Variants in RAP1GDS1 observed in about 807,000 individuals in gnomAD.
The protein encoded by RAP1GDS1 is Rap1 GTPase-GDP dissociation stimulator 1, also known as RAP1, GTP-GDP dissociation stimulator 1.
In RAP1GDS1, 35 loss-of-function variants were observed where a neutral mutation model predicts 71.1. That is an observed-to-expected ratio of 0.49 (90% CI 0.38 to 0.65). RAP1GDS1 has a LOEUF of 0.65. Ranked by LOEUF, RAP1GDS1 falls within the 30% of genes least tolerant of loss-of-function variation. The pLI is 0.00. For missense variants in RAP1GDS1, 663 were observed against 706.1 expected (o/e 0.94, Z 0.69); for synonymous variants, 229 against 243.1 (o/e 0.94, Z 0.54).
intron 12 of RAP1GDS1, among the ~76,000 whole-genome samples, chr4:98,428,886 C>T (rs963753724): frequency 6.6e-6 from 1 of 152,170 alleles, no homozygotes; most frequent in African/African-American, 2.4e-5. Flanking sequence ...AATATACTTG[C>T]ACACATGTTT....
intron 7 of RAP1GDS1, among the ~76,000 whole-genome samples, chr4:98,410,150 C>T (rs1284863843): frequency 2.0e-5 from 3 of 151,738 alleles, no homozygotes; most frequent in African/African-American, 4.8e-5. Flanking sequence ...TTAAAGACAC[C>T]GTTAAGAGTG....
At chr4:98,424,445 TGAA>T (rs1202867941) in intron 12 of RAP1GDS1, among the ~76,000 whole-genome samples, 2 of 152,072 alleles carry the variant, frequency 1.3e-5, no homozygotes, top group Admixed American at 6.6e-5. Flanking sequence ...CTGTGGCATT[TGAA>T]GAAGAAGAGA....
At chr4:98,295,901 ATATAT>A (rs1727666100) in intron 2 of RAP1GDS1, among the ~76,000 whole-genome samples, 4 of 152,008 alleles carry the variant, frequency 2.6e-5, no homozygotes, top group Admixed American at 2.6e-4. Context: ...AAAAAGTAAA[ATATAT>A]TAGTGAGATG....
At chr4:98,326,080 C>T (rs1288773544) in intron 2 of RAP1GDS1, among the ~76,000 whole-genome samples, 2 of 152,162 alleles carry the variant, frequency 1.3e-5, no homozygotes, top group Admixed American at 6.5e-5. Context: ...GTAACAATCA[C>T]AGTTTTCTCC....
At chr4:98,426,189 A>G (rs1342956591) in intron 12 of RAP1GDS1, among the ~76,000 whole-genome samples, 1 of 152,168 alleles carries the variant, frequency 6.6e-6, no homozygotes, top group Non-Finnish European at 1.5e-5. Context: ...AATAAATGAT[A>G]CAACCTATCA....
intron 2 of RAP1GDS1, among the ~76,000 whole-genome samples, chr4:98,336,513 G>C (rs1734740037): frequency 6.6e-6 from 1 of 152,154 alleles, no homozygotes; most frequent in South Asian, 2.1e-4. Flanking sequence ...TATAAAATGA[G>C]TCTCACAACT....
intron 12 of RAP1GDS1, among the ~76,000 whole-genome samples, chr4:98,425,697 A>G (rs1487929239): frequency 6.6e-6 from 1 of 152,198 alleles, no homozygotes; most frequent in Non-Finnish European, 1.5e-5. Context: ...ATATATATGC[A>G]CCAAACACTG....
chr4:98,338,393 TTGTC>T (rs1735000403), intron 2 of RAP1GDS1, among the ~76,000 whole-genome samples: 1 of 152,190 alleles, frequency 6.6e-6, no homozygotes, highest in Admixed American at 6.5e-5. Flanking sequence ...GATTGGGGAC[TTGTC>T]TCTTTGGTAA....
At chr4:98,304,791 T>C (rs1392139449) in intron 2 of RAP1GDS1, among the ~76,000 whole-genome samples, 1 of 152,220 alleles carries the variant, frequency 6.6e-6, no homozygotes, top group Non-Finnish European at 1.5e-5. Flanking sequence ...TGAATGATGT[T>C]GCGTAGATTT....
At chr4:98,314,104 G>A (rs557745299) in intron 2 of RAP1GDS1, among the ~76,000 whole-genome samples, 19 of 152,092 alleles carry the variant, frequency 1.2e-4, no homozygotes, top group South Asian at 1.2e-3. Flanking sequence ...TTTTTATTTG[G>A]CTCGTAATAA....
intron 1 of RAP1GDS1, among the ~76,000 whole-genome samples, chr4:98,265,112 G>A (rs917664445): frequency 6.6e-6 from 1 of 152,226 alleles, no homozygotes; most frequent in Non-Finnish European, 1.5e-5. Context: ...GGATCGATTA[G>A]ATGAGAAACT....
intron 2 of RAP1GDS1, among the ~76,000 whole-genome samples, chr4:98,296,419 CTG>C (rs1256890751): frequency 1.3e-5 from 2 of 151,956 alleles, no homozygotes; most frequent in African/African-American, 4.8e-5. Flanking sequence ...GTATTTCTCT[CTG>C]TAACGTTTAT....
intron 8 of RAP1GDS1, among the ~76,000 whole-genome samples, 158 bp downstream of exon 8, chr4:98,417,046 A>G (rs1377721952): frequency 2.0e-5 from 3 of 152,148 alleles, no homozygotes; most frequent in Admixed American, 6.5e-5. Context: ...CATTGATACA[A>G]CCAGACATAA....
At chr4:98,383,561 G>A (rs189294393) in intron 5 of RAP1GDS1, among the ~76,000 whole-genome samples, 174 of 151,186 alleles carry the variant, frequency 1.2e-3, no homozygotes, top group Middle Eastern at 6.8e-3. Flanking sequence ...TTTATTTGTC[G>A]CATGGGCTGA....
intron 4 of RAP1GDS1, among the ~76,000 whole-genome samples, chr4:98,357,502 A>T (rs1198631318): frequency 3.3e-5 from 5 of 151,944 alleles, no homozygotes; most frequent in Admixed American, 6.5e-5. Context: ...ATATAGATTG[A>T]AGTAGATGTT....
chr4:98,312,546 A>G (rs186611104), intron 2 of RAP1GDS1, among the ~76,000 whole-genome samples: 1 of 151,872 alleles, frequency 6.6e-6, no homozygotes, highest in Admixed American at 6.5e-5. Context: ...GGTTGATACT[A>G]TTTTTTTCTA....
chr4:98,367,864 T>C (rs1168804219), intron 4 of RAP1GDS1, among the ~76,000 whole-genome samples: 1 of 152,208 alleles, frequency 6.6e-6, no homozygotes, highest in East Asian at 1.9e-4. Context: ...TACAGGTTCA[T>C]AGGCAGAAGG....
intron 2 of RAP1GDS1, among the ~76,000 whole-genome samples, chr4:98,306,568 T>C (rs1451907939): frequency 2.6e-5 from 4 of 152,216 alleles, no homozygotes; most frequent in African/African-American, 9.6e-5. Flanking sequence ...TTCAAGAATA[T>C]AAGACATGTA....
intron 7 of RAP1GDS1, among the ~76,000 whole-genome samples, chr4:98,407,458 G>T (rs1211986798): frequency 6.6e-6 from 1 of 150,532 alleles, no homozygotes; most frequent in Admixed American, 6.6e-5. Flanking sequence ...TAAAGAAAAT[G>T]GGGTGTGTAT....
Sources: gnomAD v4.1 joint callset for allele counts (sites outside exome capture counted in the v4.1 genomes callset) on GRCh38, gnomAD v4.1.1 for gene constraint, MANE v1.5 for transcripts, NCBI Gene and HGNC (gene_info 2026-07-23, HGNC 2026-07-21) for gene names.